Variants in AATK observed in about 807,000 individuals in gnomAD.
AATK encodes the protein serine/threonine-protein kinase LMTK1.
AATK carries 91 observed loss-of-function variants against 114.3 expected under a neutral mutation model. The ratio of observed to expected loss-of-function variants is 0.80; its 90% CI spans 0.67 to 0.95. AATK has a LOEUF of 0.95. Ranked by LOEUF, AATK falls within the 40% of genes least tolerant of loss-of-function variation. AATK has a pLI of 0.00. For synonymous variants in AATK, 1,075 were observed against 916.5 expected (o/e 1.17, Z -3.12); for missense variants, 2,176 against 1,965.2 (o/e 1.11, Z -2.03).
intron 7 of AATK, chr17:81,125,455 G>T (rs1366747307): frequency 5.1e-6 from 2 of 394,918 alleles, no homozygotes; most frequent in African/African-American, 4.2e-5. Context: ...CCGGCTGCCG[G>T]AGTCCAGTTT....
At chr17:81,147,576 G>A (rs1285573478) in intron 1 of AATK, among the ~76,000 whole-genome samples, 2 of 151,860 alleles carry the variant, frequency 1.3e-5, no homozygotes, top group South Asian at 2.1e-4. Flanking sequence ...CCAGCATGGC[G>A]AAACCCCATT....
chr17:81,140,910 C>T (rs537392035), intron 1 of AATK, among the ~76,000 whole-genome samples: 2 of 97,438 alleles, frequency 2.1e-5, no homozygotes, highest in African/African-American at 3.6e-5. Flanking sequence ...GCCGTGGGGC[C>T]GTGGGGCCGT....
chr17:81,161,097 C>G (rs1318655400), intron 1 of AATK, among the ~76,000 whole-genome samples: 1 of 152,200 alleles, frequency 6.6e-6, no homozygotes, highest in Non-Finnish European at 1.5e-5. Flanking sequence ...CTCGAGGCAG[C>G]TGTGCTCACC....
chr17:81,154,349 C>T (rs1270772593), intron 1 of AATK, among the ~76,000 whole-genome samples: 1 of 111,616 alleles, frequency 9.0e-6, no homozygotes. Flanking sequence ...GAGATGGAGT[C>T]TTGCTCTGTC....
At chr17:81,134,287 G>T in intron 2 of AATK, 81 bp downstream of exon 2, 1 of 1,554,978 alleles carries the variant, frequency 6.4e-7, no homozygotes. Context: ...CCCCAGGAAG[G>T]AGGGAAGCTC....
intron 1 of AATK, among the ~76,000 whole-genome samples, chr17:81,163,075 C>T (rs2061444127): frequency 6.6e-6 from 1 of 152,194 alleles, no homozygotes; most frequent in African/African-American, 2.4e-5. Context: ...GGCCCCTCAG[C>T]AAACCAGAGG....
chr17:81,154,182 G>A (rs963716019), intron 1 of AATK, among the ~76,000 whole-genome samples: 7 of 152,278 alleles, frequency 4.6e-5, no homozygotes, highest in African/African-American at 1.4e-4. Flanking sequence ...GCTACTCGTC[G>A]AAACGCACAG....
At chr17:81,119,622 G>T in intron 12 of AATK, 42 bp from the exon 13 acceptor site, 1 of 1,519,340 alleles carries the variant, frequency 6.6e-7, no homozygotes. Context: ...CACAGCCTGG[G>T]ACCCCGGCCC....
At position 81,131,130 on chromosome 17, in the gene AATK, C is replaced by T. The variant is rs1401737125; in HGVS notation, c.265G>A (p.Gly89Arg). The T allele has an allele frequency of 3.0e-5, 47 of 1,567,694 alleles. No individual in the cohort carries two copies. The highest frequency in any genetic ancestry group is 1.7e-4 in the Middle Eastern group (1 of 6,036). Residue 89 changes from glycine to arginine, a missense_variant, in exon 3 of 14, where the codon GGG becomes AGG. Physicochemically the swap from Gly to Arg is moderately radical, Grantham distance 125. Transcript: ENST00000326724. ...AGTGGCAGGACGTACACGTCGGGCC[C>T]GTTCTGTGCTGCCGTGGCCGGGGAG... ...QGSPATAAQN[G>R]PDVYVLPLTE... is the part of the protein sequence containing the mutation.
intron 1 of AATK, among the ~76,000 whole-genome samples, chr17:81,163,675 G>A (rs1204011954): frequency 6.6e-6 from 1 of 152,212 alleles, no homozygotes; most frequent in East Asian, 1.9e-4. Context: ...TGCCCTGCCC[G>A]CATCTGCCTG....
intron 1 of AATK, among the ~76,000 whole-genome samples, chr17:81,135,371 C>T (rs1053466533): frequency 1.3e-5 from 2 of 152,146 alleles, no homozygotes; most frequent in Admixed American, 1.3e-4. Flanking sequence ...CTGGCTCTAT[C>T]CCCTGGGCCT....
At chr17:81,131,650 T>C (rs1247985740) in intron 2 of AATK, among the ~76,000 whole-genome samples, 7 of 152,128 alleles carry the variant, frequency 4.6e-5, no homozygotes, top group Non-Finnish European at 7.4e-5. Flanking sequence ...TCAGGCCAGC[T>C]GGCCCTGCCC....
Position 81,120,942 on chromosome 17 carries a change from G to A in AATK, c.2994C>T (p.Phe998=), listed in dbSNP as rs779379586. ...CCTCGGCCTCAGCCTCGAGGTCTGA[G>A]AAGTAGGCAGAGTCTCGGTAGGGAT... ...EKNPYRDSAY[F]SDLEAEAEAT... is the part of the protein sequence containing the mutation. The change falls in exon 11 of 14, where the codon TTC becomes TTT. Residue 998 remains phenylalanine (F), a synonymous_variant. Transcript: ENST00000326724. 2 of 1,608,246 alleles carry A rather than the reference G, an allele frequency of 1.2e-6. No homozygotes were observed. The highest frequency in any genetic ancestry group is 8.5e-7 in the Non-Finnish European group (1 of 1,177,964).
Position 81,122,670 on chromosome 17 carries a change from GC to G in AATK, c.1265del (p.Gly422AlafsTer45). ...RRWRSLRPGG[G>X]GVGPGPGAAG... ...CCGCACCGGGCCCGGGCCCCACGCC[GC>G]CCCCGCCGGGCCGCAGAGAGCGCCA... On this transcript the variant is annotated frameshift_variant, in exon 11 of 14. Coordinates refer to ENST00000326724, the MANE Select transcript of AATK (RefSeq NM_001080395.3). LOFTEE classifies it high-confidence loss of function. The G allele has an allele frequency of 1.3e-6, 2 of 1,512,748 alleles. No homozygotes were observed. Among genetic ancestry groups the G allele is most frequent in the East Asian group, 2.7e-5 (1 of 37,336 alleles). The allele number at this position is 1,512,748 out of a possible 1,614,324, so 93.7% of individuals were successfully genotyped here.
At position 81,121,396 on chromosome 17, in the gene AATK, C is replaced by T. The variant is rs755774188; in HGVS notation, c.2540G>A (p.Ser847Asn). ...TGCCTCCACCTCGGGAGAGCTGCTG[C>T]TGCCATTCAGGGCAGAAGCCAGCTT... ...AIKLASALNG[S>N]SSSPEVEAPS... is the part of the protein sequence containing the mutation. Residue 847 changes from serine to asparagine, a missense_variant, in exon 11 of 14, where the codon AGC (serine) becomes AAC (asparagine). Physicochemically the swap from Ser to Asn is conservative, Grantham distance 46 (BLOSUM62 1). Around this residue, in one of 4 missense-constraint regions of AATK, gnomAD observed 1,701 missense variants for 1,394.7 expected, o/e 1.22. Transcript: ENST00000326724. 2 of 1,609,566 alleles carry T rather than the reference C, an allele frequency of 1.2e-6. No homozygotes were observed. The highest frequency in any genetic ancestry group is 4.5e-5 in the East Asian group (2 of 44,822).
rs55846463 is a variant in AATK at position 81,121,842 on chromosome 17, G to T, written c.2094C>A (p.Pro698=). 1.9e-6 allele frequency: 3 copies of T among 1,594,426 alleles called. No homozygotes were observed. The highest frequency in any genetic ancestry group is 2.7e-5 in the African/African-American group (2 of 74,782). Residue 698 remains proline, a synonymous_variant, in exon 11 of 14, where the codon CCC becomes CCA. Transcript: ENST00000326724. ...SGSRCPESWD[P]VSAGGHAEGC... is the part of the protein sequence containing the mutation. ...CCTCAGCGTGGCCGCCCGCAGAGAC[G>T]GGGTCCCAGGACTCTGGACAGCGGC...
intron 4 of AATK, 76 bp from the exon 5 acceptor site, chr17:81,127,986 C>T (rs2060870648): frequency 1.4e-5 from 22 of 1,521,554 alleles, no homozygotes; most frequent in Non-Finnish European, 1.9e-5. Flanking sequence ...TCTTCTCCCA[C>T]CCGCCCCACG....
At chr17:81,150,721 G>A (rs1000303464) in intron 1 of AATK, among the ~76,000 whole-genome samples, 8 of 152,320 alleles carry the variant, frequency 5.3e-5, no homozygotes, top group Admixed American at 3.9e-4. Context: ...GGCTGGAAGC[G>A]GGCTCTGGCC....
chr17:81,160,489 C>T (rs1194873218), intron 1 of AATK, among the ~76,000 whole-genome samples: 7 of 152,308 alleles, frequency 4.6e-5, no homozygotes, highest in Non-Finnish European at 7.4e-5. Context: ...TGCGGGGGGG[C>T]GGGGAGGCCA....
Sources: allele counts gnomAD v4.1 joint callset (sites outside exome capture counted in the v4.1 genomes callset), GRCh38; gene constraint gnomAD v4.1.1; regional missense constraint gnomAD v4.1.1; transcripts MANE v1.5; gene names NCBI Gene and HGNC (gene_info 2026-07-23, HGNC 2026-07-21).